Variants in PTBP3 observed in about 807,000 individuals in gnomAD.
PTBP3 encodes polypyrimidine tract-binding protein 3.
Under a neutral mutation model 58.7 loss-of-function variants are expected in PTBP3, and 20 were observed. That is an observed-to-expected ratio of 0.34 (90% CI 0.24 to 0.50). The LOEUF (loss-of-function observed/expected upper bound fraction) is 0.50. Ranked by LOEUF, PTBP3 falls within the 20% of genes least tolerant of loss-of-function variation. The pLI, the probability that PTBP3 is intolerant of heterozygous loss-of-function variation, is 0.98. For synonymous variants in PTBP3, 185 were observed against 219.8 expected (o/e 0.84, Z 1.40); for missense variants, 509 against 637.2 (o/e 0.80, Z 2.17).
intron 1 of PTBP3, among the ~76,000 whole-genome samples, chr9:112,323,695 A>G (rs1176406633): frequency 6.6e-6 from 1 of 152,258 alleles, no homozygotes; most frequent in Non-Finnish European, 1.5e-5. Context: ...GAGCTTGAAG[A>G]TATTCCAACA....
chr9:112,288,871 A>T (rs1328030562), intron 2 of PTBP3, among the ~76,000 whole-genome samples: 6 of 152,206 alleles, frequency 3.9e-5, no homozygotes, highest in African/African-American at 1.4e-4. Flanking sequence ...GTTTTATTTA[A>T]AGCAACCCGC....
chr9:112,321,084 G>A (rs1454915417), intron 1 of PTBP3, among the ~76,000 whole-genome samples: 2 of 152,062 alleles, frequency 1.3e-5, no homozygotes, highest in African/African-American at 4.8e-5. Context: ...ACAAGCCACA[G>A]ACAGGAAAAT....
chr9:112,316,464 C>T (rs923424627), intron 1 of PTBP3, among the ~76,000 whole-genome samples: 1 of 152,192 alleles, frequency 6.6e-6, no homozygotes, highest in African/African-American at 2.4e-5. Flanking sequence ...CTGCCAACAA[C>T]CACACAAGTG....
chr9:112,342,942 T>C, the PTBP3 span, among the ~76,000 whole-genome samples: 55,033 of 151,832 alleles, frequency 0.36, 10,170 homozygotes, highest in South Asian at 0.44. Context: ...ATTCTCCCAC[T>C]TCAGTCTCCT....
intron 7 of PTBP3, among the ~76,000 whole-genome samples, chr9:112,243,219 CTTAG>C (rs1042705451): frequency 7.9e-5 from 12 of 151,168 alleles, no homozygotes; most frequent in African/African-American, 2.7e-4. Context: ...TTTGGTCTAT[CTTAG>C]TTAAACAAGA....
chr9:112,240,612 T>C (rs1298399693), intron 7 of PTBP3, among the ~76,000 whole-genome samples: 1 of 150,802 alleles, frequency 6.6e-6, no homozygotes, highest in East Asian at 1.9e-4. Flanking sequence ...TACTATACTA[T>C]ACTTTTTATT....
intron 1 of PTBP3, among the ~76,000 whole-genome samples, chr9:112,318,254 C>G (rs1025725976): frequency 6.6e-6 from 1 of 152,074 alleles, no homozygotes; most frequent in African/African-American, 2.4e-5. Context: ...ATGACATGAT[C>G]ATGTACATTA....
chr9:112,376,447 T>G, the PTBP3 span, among the ~76,000 whole-genome samples: 1 of 151,252 alleles, frequency 6.6e-6, no homozygotes, highest in Non-Finnish European at 1.5e-5. Context: ...AGAGATGGGG[T>G]TTCACCACGT....
At chr9:112,357,398 T>C in the PTBP3 span, among the ~76,000 whole-genome samples, 1 of 152,198 alleles carries the variant, frequency 6.6e-6, no homozygotes, top group African/African-American at 2.4e-5. Context: ...TCATCCAGGC[T>C]GGTGTGCAGT....
At chr9:112,308,349 T>C (rs1829318962) in intron 1 of PTBP3, among the ~76,000 whole-genome samples, 2 of 76,012 alleles carry the variant, frequency 2.6e-5, no homozygotes, top group East Asian at 3.9e-4. Flanking sequence ...ACTCCTTTTA[T>C]TTAAAAAAAA....
Position 112,220,493 on chromosome 9 carries a change from A to T in PTBP3, c.*3358T>A. 1 of 1,068,132 alleles carries T rather than the reference A, an allele frequency of 9.4e-7. No individual in the cohort carries two copies. The highest frequency in any genetic ancestry group is 5.0e-5 in the Admixed American group (1 of 20,180). The allele number at this position is 1,068,132 out of a possible 1,614,324, so 66.2% of individuals were successfully genotyped here. A position where few individuals can be genotyped will look rare whatever the true frequency, so the allele number is the denominator to read the frequency against. On this transcript the variant is annotated 3_prime_UTR_variant, in exon 14 of 14. Transcript: ENST00000374257. ...ACTAGGTGGAGCCAAAGAAGGCCTC[A>T]CTGTCATAAGGGAACAGGCAGGCAT...
the PTBP3 span, among the ~76,000 whole-genome samples, chr9:112,374,092 T>C: frequency 6.6e-6 from 1 of 151,946 alleles, no homozygotes; most frequent in African/African-American, 2.4e-5. Flanking sequence ...AACCACGGGG[T>C]ATGGTAACAC....
At chr9:112,281,201 T>G (rs975892716) in intron 2 of PTBP3, 1 of 202,442 alleles carries the variant, frequency 4.9e-6, no homozygotes, top group Admixed American at 4.5e-5. Flanking sequence ...CTCCACATTT[T>G]GTGAGTACAA....
chr9:112,231,173 T>C (rs1203722831), intron 10 of PTBP3, among the ~76,000 whole-genome samples: 1 of 150,324 alleles, frequency 6.7e-6, no homozygotes, highest in Non-Finnish European at 1.5e-5. Context: ...AGGTTAGGTC[T>C]CCCTGCGTTA....
the PTBP3 span, among the ~76,000 whole-genome samples, chr9:112,350,829 C>T: frequency 2.0e-5 from 3 of 152,116 alleles, no homozygotes. Context: ...GACGAAGTCT[C>T]ACTCTGTTGC....
chr9:112,222,131 G>T lies in PTBP3; in HGVS notation c.*1720C>A. 2 of 985,760 alleles carry T rather than the reference G, an allele frequency of 2.0e-6. No homozygotes were observed. The highest frequency in any genetic ancestry group is 2.4e-6 in the Non-Finnish European group (2 of 829,844). 61.1% of individuals were successfully genotyped at this position (985,760 alleles called of 1,614,324 possible). A position where few individuals can be genotyped will look rare whatever the true frequency, so the allele number is the denominator to read the frequency against. On this transcript the variant is annotated 3_prime_UTR_variant, in exon 14 of 14. Coordinates refer to ENST00000374257, the MANE Select transcript of PTBP3 (RefSeq NM_001163788.4). ...TATTCTTTATTCTTTTAAAAGTTGAGATGAGACACTTTGAGAATCTGAAAA... is the reference window on the plus strand; with the variant it reads ...TATTCTTTATTCTTTTAAAAGTTGATATGAGACACTTTGAGAATCTGAAAA...
At chr9:112,281,605 T>C (rs987049710) in intron 2 of PTBP3, among the ~76,000 whole-genome samples, 2 of 152,204 alleles carry the variant, frequency 1.3e-5, no homozygotes, top group African/African-American at 4.8e-5. Flanking sequence ...TCCTTTATAT[T>C]CTGTACAGTC....
chr9:112,344,308 G>A, the PTBP3 span, among the ~76,000 whole-genome samples: 3 of 152,098 alleles, frequency 2.0e-5, no homozygotes, highest in South Asian at 2.1e-4. Flanking sequence ...GATGGGGACC[G>A]TTAGGGGGTG....
At chr9:112,378,178 C>A in the PTBP3 span, among the ~76,000 whole-genome samples, 466 of 152,284 alleles carry the variant, frequency 3.1e-3, no homozygotes, top group Non-Finnish European at 5.2e-3. Flanking sequence ...GGTAGAAGGT[C>A]ATGGGTAACT....
Sources: gnomAD v4.1 joint callset for allele counts (sites outside exome capture counted in the v4.1 genomes callset) on GRCh38, gnomAD v4.1.1 for gene constraint, MANE v1.5 for transcripts, NCBI Gene and HGNC (gene_info 2026-07-23, HGNC 2026-07-21) for gene names.